The following TBC1D16 variants were observed in gnomAD, a reference collection of about 807,000 sequenced individuals.
TBC1D16 encodes the protein TBC1 domain family member 16, also known as CTD-2529O21.1.
A neutral mutation model predicts 74.7 loss-of-function variants in TBC1D16; 58 were observed. The observed-to-expected ratio is 0.78, with a 90% CI of 0.63 to 0.97. The LOEUF is 0.97. Among genes scored for constraint, TBC1D16 ranks in the 50% least tolerant of loss-of-function variants. TBC1D16 has a pLI of 0.00. For missense variants in TBC1D16, 1,014 were observed against 1,079.5 expected, an observed-to-expected ratio of 0.94 and a Z score of 0.85; for synonymous variants, 493 against 474.7, an observed-to-expected ratio of 1.04 and a Z score of -0.50.
At chr17:79,957,393 G>A (rs1004195707) in intron 3 of TBC1D16, among the ~76,000 whole-genome samples, 4 of 152,178 alleles carry the variant, frequency 2.6e-5, no homozygotes, top group Non-Finnish European at 4.4e-5. Context: ...GGAACAACAC[G>A]GAGGGAACTT....
rs746236681 is a variant in TBC1D16, at chr17:79,961,140, C to G, written c.780-8322G>C. 6.6e-6 allele frequency among the ~76,000 whole-genome samples: 1 copy of G among 152,186 alleles called. No individual in the cohort carries two copies. Among genetic ancestry groups the G allele is most frequent in the Non-Finnish European group, 1.5e-5 (1 of 68,042 alleles). ...TCTTAACAAGGGAATACATACGCCT[C>G]AGCAATAAAAAGGAGCAAACTGCTG... On this transcript the variant is annotated intron_variant, in intron 3 of 11. Coordinates refer to ENST00000310924, the MANE Select transcript of TBC1D16 (RefSeq NM_019020.4). The surrounding 1 kb of genome is among the most constrained non-coding windows in gnomAD (Gnocchi z 4.8).
chr17:79,952,514 G>C, intron 4 of TBC1D16, 143 bp downstream of exon 4: 1 of 1,063,200 alleles, frequency 9.4e-7, no homozygotes, highest in Non-Finnish European at 1.3e-6. Context: ...CAAGATCAGC[G>C]AGGGAGGAAA....
At chr17:79,947,960 G>C (rs1343130081) in intron 8 of TBC1D16, 129 bp from the exon 9 acceptor site, 24 of 732,772 alleles carry the variant, frequency 3.3e-5, no homozygotes, top group Non-Finnish European at 5.3e-5. Flanking sequence ...AGGCAGCTGT[G>C]CCACCATCTC....
intron 4 of TBC1D16, 36 bp downstream of exon 4, chr17:79,952,621 G>A (rs759594695): frequency 1.3e-6 from 2 of 1,561,650 alleles, no homozygotes; most frequent in East Asian, 2.3e-5. Flanking sequence ...ACACACACAG[G>A]CCAACTCCCA....
Position 79,945,100 on chromosome 17 carries a change from C to A in TBC1D16, c.1729-13G>T, listed in dbSNP as rs1401243179. The A allele has an allele frequency of 1.9e-6, 3 of 1,567,884 alleles. No homozygotes were observed. The highest frequency in any genetic ancestry group is 2.6e-6 in the Non-Finnish European group (3 of 1,157,404). On this transcript the variant is annotated splice_polypyrimidine_tract_variant and intron_variant, in intron 9 of 11. Transcript: ENST00000310924. ...CGCGCAGGTACAGCTGGGGGTGAGG[C>A]CGTCACGCGTTAGTTAGCTCCGGTC...
rs1353856960 is a variant in TBC1D16, at chr17:80,010,218, G to C, written c.721C>G (p.Pro241Ala). ...DTFSSPFCLS[P>A]ISAALAESRG... ...CTCTCGGCCAGCGCCGCGCTGATGG[G>C]CGAGAGGCAGAAGGGCGAGGAGAAG... is the stretch of plus-strand genomic sequence containing the variant. The change falls in exon 3 of 12, where the codon CCC (proline) becomes GCC (alanine). Residue 241 changes from proline (P) to alanine (A), a missense_variant. Transcript: ENST00000310924. This position sits in a 1 kb window ranked among gnomAD's most constrained non-coding sequence, Gnocchi z 8.8. 1 of 1,613,256 alleles carries C rather than the reference G, an allele frequency of 6.2e-7. No individual in the cohort carries two copies. The highest frequency in any genetic ancestry group is 2.2e-5 in the East Asian group (1 of 44,860).
At chr17:79,998,398 G>A (rs1050217207) in intron 3 of TBC1D16, among the ~76,000 whole-genome samples, 3 of 151,264 alleles carry the variant, frequency 2.0e-5, no homozygotes, top group Non-Finnish European at 4.4e-5. Context: ...TGCAATCTAA[G>A]CTCACTGCAA....
At chr17:79,984,330 C>G (rs1258652624) in intron 3 of TBC1D16, among the ~76,000 whole-genome samples, 1 of 152,048 alleles carries the variant, frequency 6.6e-6, no homozygotes, top group Non-Finnish European at 1.5e-5. Flanking sequence ...AATTTTAAAC[C>G]AAGAAAGTGA....
At chr17:79,970,155 G>A (rs918323534) in intron 3 of TBC1D16, among the ~76,000 whole-genome samples, 1 of 152,106 alleles carries the variant, frequency 6.6e-6, no homozygotes, top group Non-Finnish European at 1.5e-5. Flanking sequence ...CTGAAAACAC[G>A]ATGCTAAGCG....
chr17:79,945,331 G>A lies in TBC1D16; in HGVS notation c.1729-244C>T, dbSNP rs1174883680. On this transcript the variant is annotated intron_variant, in intron 9 of 11. Transcript: ENST00000310924. The stretch of plus-strand genomic sequence containing the variant: ...TCCGGAGGCTGTGGTGTGGTCCAGG[G>A]TGAGGCAGAGTGTTGTGCCCGGGCG... Among the ~76,000 whole-genome samples, 3 of 152,210 alleles carry A rather than the reference G, an allele frequency of 2.0e-5. No homozygotes were observed. The East Asian group carries it at 5.8e-4, about 29-fold the overall frequency.
intron 1 of TBC1D16, among the ~76,000 whole-genome samples, chr17:80,025,027 ATGC>A (rs1367081396): frequency 8.5e-5 from 6 of 70,668 alleles, no homozygotes; most frequent in African/African-American, 1.3e-4. Flanking sequence ...CACACCACAG[ATGC>A]ACACATACCA....
At position 79,979,681 on chromosome 17, in the gene TBC1D16, G is replaced by A. The variant is rs1193040038; in HGVS notation, c.780-26863C>T. Among the ~76,000 whole-genome samples, 1 of 151,976 alleles carries A rather than the reference G, an allele frequency of 6.6e-6. No homozygotes were observed. The highest frequency in any genetic ancestry group is 1.5e-5 in the Non-Finnish European group (1 of 68,002). On this transcript the variant is annotated intron_variant, in intron 3 of 11. Coordinates refer to ENST00000310924, the MANE Select transcript of TBC1D16 (RefSeq NM_019020.4). The surrounding 1 kb of genome is among the most constrained non-coding windows in gnomAD (Gnocchi z 4.8). ...GCAAACACAGCTGGGACATCAGCCCGGAAAGGAATGTAACCTGTCAGGCCG... is the reference window on the plus strand; with the variant it reads ...GCAAACACAGCTGGGACATCAGCCCAGAAAGGAATGTAACCTGTCAGGCCG...
At position 79,944,868 on chromosome 17, in the gene TBC1D16, T is replaced by G; in HGVS notation, c.1908+40A>C. ...GGTGGCCACGGTGGTTCAGGGGCCA[T>G]GGTCCCAACCTCCCCAGCCCTGGCC... On this transcript the variant is annotated intron_variant, in intron 10 of 11. Transcript: ENST00000310924. This position sits in a 1 kb window ranked among gnomAD's most constrained non-coding sequence, Gnocchi z 7.7. 6.6e-7 allele frequency: 1 copy of G among 1,511,874 alleles called. No individual in the cohort carries two copies. Among genetic ancestry groups the G allele is most frequent in the Non-Finnish European group, 8.9e-7 (1 of 1,126,526 alleles). 93.7% of individuals were successfully genotyped at this position (1,511,874 alleles called of 1,614,324 possible).
Position 79,983,697 on chromosome 17 carries a change from G to A in TBC1D16, c.779+26463C>T, listed in dbSNP as rs966575127. Among the ~76,000 whole-genome samples, 26 of 152,174 alleles carry A rather than the reference G, an allele frequency of 1.7e-4. No homozygotes were observed. Among genetic ancestry groups the A allele is most frequent in the African/African-American group, 5.5e-4 (23 of 41,448 alleles). On this transcript the variant is annotated intron_variant, in intron 3 of 11. Coordinates refer to ENST00000310924, the MANE Select transcript of TBC1D16 (RefSeq NM_019020.4). The surrounding 1 kb of genome is among the most constrained non-coding windows in gnomAD (Gnocchi z 5.6). ...CGGAAGGTGGTTCCTTCTGGAGACC[G>A]GGGCACGGAACGACCAGACTGGGGA...
At chr17:79,964,077 G>A (rs1009461352) in intron 3 of TBC1D16, among the ~76,000 whole-genome samples, 5 of 152,170 alleles carry the variant, frequency 3.3e-5, no homozygotes, top group African/African-American at 1.2e-4. Flanking sequence ...CCAGGTTCAA[G>A]CTATTCTCCT....
In TBC1D16 at chr17:80,001,530, G is replaced by A. The variant is rs1376081042; in HGVS notation, c.779+8630C>T. ...GGTTCCTGGAGCATCCTCAGGGGGC[G>A]GCGGGCGCTCTCGGGGTATCCCCGG... On this transcript the variant is annotated intron_variant, in intron 3 of 11. Coordinates refer to ENST00000310924, the MANE Select transcript of TBC1D16 (RefSeq NM_019020.4). This position sits in a 1 kb window ranked among gnomAD's most constrained non-coding sequence, Gnocchi z 5.8. Among the ~76,000 whole-genome samples, 7 of 152,136 alleles carry A rather than the reference G, an allele frequency of 4.6e-5. No homozygotes were observed. The highest frequency in any genetic ancestry group is 7.4e-5 in the Non-Finnish European group (5 of 68,000).
chr17:79,942,323 A>T, intron 10 of TBC1D16, 117 bp from the exon 11 acceptor site: 1 of 1,164,948 alleles, frequency 8.6e-7, no homozygotes, highest in Non-Finnish European at 1.2e-6. Context: ...GTCTGGGCTC[A>T]CAGCCCAGCT....
chr17:79,940,611 G>T lies in TBC1D16; in HGVS notation c.*248C>A. 1 of 381,596 alleles carries T rather than the reference G, an allele frequency of 2.6e-6. No homozygotes were observed. The highest frequency in any genetic ancestry group is 4.6e-6 in the Non-Finnish European group (1 of 218,212). 23.6% of individuals were successfully genotyped at this position (381,596 alleles called of 1,614,324 possible). On this transcript the variant is annotated 3_prime_UTR_variant, in exon 12 of 12. Coordinates refer to ENST00000310924, the MANE Select transcript of TBC1D16 (RefSeq NM_019020.4). The surrounding 1 kb of genome is among the most constrained non-coding windows in gnomAD (Gnocchi z 5.4). ...CCCAGCCAGCCTGCGTCTCAGGTGC[G>T]GTGGCTGCGCGTTCCACTGCAGCGT...
At position 79,981,240 on chromosome 17, in the gene TBC1D16, A is replaced by G. The variant is rs2034567084; in HGVS notation, c.780-28422T>C. On this transcript the variant is annotated intron_variant, in intron 3 of 11. Coordinates refer to ENST00000310924, the MANE Select transcript of TBC1D16 (RefSeq NM_019020.4). This position sits in a 1 kb window ranked among gnomAD's most constrained non-coding sequence, Gnocchi z 6.9. ...CAGGGGAGCCAGCATCTTCCGCACC[A>G]ATGCACTGCTTGGCCCGGCTCAGAG... 6.6e-6 allele frequency among the ~76,000 whole-genome samples: 1 copy of G among 152,166 alleles called. No homozygotes were observed. Among genetic ancestry groups the G allele is most frequent in the South Asian group, 2.1e-4 (1 of 4,830 alleles).
Sources: allele counts gnomAD v4.1 joint callset (sites outside exome capture counted in the v4.1 genomes callset), GRCh38; gene constraint gnomAD v4.1.1; non-coding constraint Gnocchi (gnomAD v3.1); transcripts MANE v1.5; gene names NCBI Gene and HGNC (gene_info 2026-07-23, HGNC 2026-07-21).